Variants in GK observed in about 807,000 individuals in gnomAD.
The protein encoded by GK is ATP:glycerol 3-phosphotransferase.
Under a neutral mutation model 56.4 loss-of-function variants are expected in GK, and 9 were observed. The ratio of observed to expected loss-of-function variants is 0.16; its 90% CI spans 0.10 to 0.28. GK has a LOEUF of 0.28. GK is among the 10% of genes least tolerant of loss of function. The pLI, the probability that GK is intolerant of heterozygous loss-of-function variation, is 1.00. For synonymous variants in GK, 104 were observed against 144.1 expected, an observed-to-expected ratio of 0.72 and a Z score of 1.99; for missense variants, 161 against 431.4, an observed-to-expected ratio of 0.37 and a Z score of 5.55.
rs45498893 is a variant in GK, at chrX:30,665,375, A to C, written c.79-136A>C. The C allele has an allele frequency of 7.0e-4, 332 of 471,742 alleles. 2 individuals carry two copies. The East Asian group carries it at 0.012, about 17-fold the overall frequency. The allele number at this position is 471,742 out of a possible 1,213,427, so 38.9% of individuals were successfully genotyped here. A position where few individuals can be genotyped will look rare whatever the true frequency, so the allele number is the denominator to read the frequency against. On this transcript the variant is annotated intron_variant, in intron 1 of 20. Coordinates refer to ENST00000427190, the MANE Select transcript of GK (RefSeq NM_001205019.2). ...CTTTTATGAATCCATATGAAAAGAA[A>C]GTGGAACATCTTATATGGCATTTCA...
chrX:30,660,198 GTAA>G (rs62990461), intron 1 of GK, among the ~76,000 whole-genome samples: 18,832 of 108,373 alleles, frequency 0.17, 1,417 homozygotes, highest in Admixed American at 0.24. Context: ...ATAGGTAATA[GTAA>G]TAATAATAAT....
intron 4 of GK, among the ~76,000 whole-genome samples, chrX:30,678,275 T>C (rs1601893057): frequency 8.9e-6 from 1 of 112,401 alleles, no homozygotes; most frequent in East Asian, 2.8e-4. Flanking sequence ...TATACCACTT[T>C]TAGGTATCAC....
At chrX:30,709,760 G>T (rs1936227574) in intron 13 of GK, among the ~76,000 whole-genome samples, 1 of 109,916 alleles carries the variant, frequency 9.1e-6, no homozygotes, top group African/African-American at 3.3e-5. Context: ...TATTAATTTA[G>T]ACTTCATATT....
At chrX:30,690,650 A>C (rs1338922021) in intron 4 of GK, among the ~76,000 whole-genome samples, 1 of 111,774 alleles carries the variant, frequency 8.9e-6, no homozygotes, top group African/African-American at 3.3e-5. Flanking sequence ...TGTTTCCTGA[A>C]TAACAGAATC....
chrX:30,717,754 T>A (rs1249728450), intron 13 of GK, among the ~76,000 whole-genome samples: 2 of 112,204 alleles, frequency 1.8e-5, no homozygotes, highest in Non-Finnish European at 3.8e-5. Flanking sequence ...TTTTTTAACA[T>A]TAAAGAAATT....
chrX:30,680,579 G>A (rs1336236709), intron 4 of GK, among the ~76,000 whole-genome samples: 1 of 111,870 alleles, frequency 8.9e-6, no homozygotes, highest in Non-Finnish European at 1.9e-5. Flanking sequence ...ACCAGTATGC[G>A]GAGAACAACC....
rs1283653695 is a variant in GK at position 30,702,414 on chromosome X, C to T, written c.851+1509C>T. On this transcript the variant is annotated intron_variant, in intron 11 of 20. Transcript: ENST00000427190. ...TTCATGAACAAAATTAAATATGCCTCAAAAGCTGAATTAATACTAACAATT... is the reference window on the plus strand; with the variant it reads ...TTCATGAACAAAATTAAATATGCCTTAAAAGCTGAATTAATACTAACAATT... 4.4e-5 allele frequency among the ~76,000 whole-genome samples: 5 copies of T among 112,746 alleles called. No individual in the cohort carries two copies. In the Admixed American group the frequency reaches 4.7e-4, roughly 11 times the overall value.
At chrX:30,704,577 C>CT (rs35183149) in intron 11 of GK, among the ~76,000 whole-genome samples, 3,227 of 99,677 alleles carry the variant, frequency 0.032, 115 homozygotes, top group African/African-American at 0.1. Context: ...CGTTTGGTGA[C>CT]TTTTTTTTTT....
chrX:30,721,296 C>CTTT (rs144465487), intron 18 of GK: 68 of 216,816 alleles, frequency 3.1e-4, no homozygotes, highest in East Asian at 6.8e-4. Context: ...TTAGAATAGC[C>CTTT]TTTTTTTTTT....
intron 1 of GK, 97 bp downstream of exon 1, chrX:30,653,712 C>A: frequency 2.5e-6 from 2 of 797,631 alleles, no homozygotes; most frequent in Non-Finnish European, 3.8e-6. Context: ...ATCTCTCCGG[C>A]CCGGTGCCCC....
At chrX:30,705,441 G>A (rs1460747120) in intron 11 of GK, among the ~76,000 whole-genome samples, 3 of 112,654 alleles carry the variant, frequency 2.7e-5, no homozygotes, top group Admixed American at 1.9e-4. Flanking sequence ...GTGCTGACTG[G>A]GTGTGACAGA....
chrX:30,725,530 C>A (rs1216206865), intron 19 of GK, among the ~76,000 whole-genome samples: 2 of 112,172 alleles, frequency 1.8e-5, no homozygotes, highest in Non-Finnish European at 3.8e-5. Flanking sequence ...CAGACGTAAG[C>A]CTTGACTTCT....
At position 30,691,115 on chromosome X, in the gene GK, G is replaced by T. The variant is rs749475611; in HGVS notation, c.338-8G>T. On this transcript the variant is annotated splice_region_variant and splice_polypyrimidine_tract_variant and intron_variant, in intron 4 of 20. Coordinates refer to ENST00000427190, the MANE Select transcript of GK (RefSeq NM_001205019.2). Reference sequence around the variant, plus strand: ...TTTTCATGTATATTATTTTATTTTGGTCTATAGTGTGGCTTGATCTAAGAA... The same window carrying T: ...TTTTCATGTATATTATTTTATTTTGTTCTATAGTGTGGCTTGATCTAAGAA... The T allele has an allele frequency of 3.0e-5, 31 of 1,044,441 alleles. No individual in the cohort carries two copies. In the African/African-American group the frequency reaches 5.2e-4, roughly 18 times the overall value. The allele number at this position is 1,044,441 out of a possible 1,213,427, so 86.1% of individuals were successfully genotyped here. A position where few individuals can be genotyped will look rare whatever the true frequency, so the allele number is the denominator to read the frequency against.
At chrX:30,722,243 T>A (rs1936943060) in intron 18 of GK, among the ~76,000 whole-genome samples, 1 of 112,777 alleles carries the variant, frequency 8.9e-6, no homozygotes, top group Non-Finnish European at 1.9e-5. Flanking sequence ...TATAGTCAGA[T>A]TATACCATGT....
chrX:30,670,451 G>T lies in GK; in HGVS notation c.259+2333G>T, dbSNP rs62591597. Among the ~76,000 whole-genome samples, 33,036 of 110,219 alleles carry T rather than the reference G, an allele frequency of 0.3. 3,632 individuals are homozygous for T. Among genetic ancestry groups the T allele is most frequent in the South Asian group, 0.42 (1,105 of 2,629 alleles). Reference sequence around the variant, plus strand: ...ACTACCTGGTCTAAGAATTGAACAGGCAGCTTCTCTATACTCCTCTGTGTC... The same window carrying T: ...ACTACCTGGTCTAAGAATTGAACAGTCAGCTTCTCTATACTCCTCTGTGTC... On this transcript the variant is annotated intron_variant, in intron 3 of 20. Coordinates refer to ENST00000427190, the MANE Select transcript of GK (RefSeq NM_001205019.2).
chrX:30,712,444 A>G (rs761380202), intron 13 of GK, among the ~76,000 whole-genome samples: 2 of 110,879 alleles, frequency 1.8e-5, no homozygotes, highest in Non-Finnish European at 3.8e-5. Flanking sequence ...CATCCTCTCT[A>G]TCTAGTCTAG....
At chrX:30,661,047 C>T (rs1196196698) in intron 1 of GK, among the ~76,000 whole-genome samples, 2 of 109,705 alleles carry the variant, frequency 1.8e-5, no homozygotes, top group African/African-American at 6.7e-5. Context: ...CTCTTGACCT[C>T]GTGATCCGCC....
chrX:30,708,575 G>A (rs1373233351), intron 13 of GK, among the ~76,000 whole-genome samples: 4 of 111,071 alleles, frequency 3.6e-5, no homozygotes, highest in African/African-American at 1.3e-4. Flanking sequence ...AATAAATTTT[G>A]TGTAACATTT....
chrX:30,698,697 G>A (rs1279583895), intron 9 of GK, among the ~76,000 whole-genome samples: 1 of 39,160 alleles, frequency 2.6e-5, no homozygotes, highest in Non-Finnish European at 4.7e-5. Context: ...GGGAGACTCC[G>A]TCTCAAAAAA....
Sources: allele counts gnomAD v4.1 joint callset (sites outside exome capture counted in the v4.1 genomes callset), GRCh38; gene constraint gnomAD v4.1.1; transcripts MANE v1.5; gene names NCBI Gene and HGNC (gene_info 2026-07-23, HGNC 2026-07-21).